Variants in FAT3 observed in about 807,000 individuals in gnomAD.
FAT3 encodes the protein protocadherin Fat 3.
In FAT3, 95 loss-of-function variants were observed where a neutral mutation model predicts 310.2. The ratio of observed to expected loss-of-function variants is 0.31; its 90% confidence interval spans 0.26 to 0.36. The LOEUF is 0.36. Ranked by LOEUF, FAT3 falls within the 10% of genes least tolerant of loss-of-function variation. The pLI is 1.00. For synonymous variants in FAT3, 2,314 were observed against 2,192.9 expected, an observed-to-expected ratio of 1.06 and a Z score of -1.54; for missense variants, 5,408 against 5,715.6, an observed-to-expected ratio of 0.95 and a Z score of 1.74.
intron 7 of FAT3, among the ~76,000 whole-genome samples, chr11:92,786,835 T>C (rs1218522457): frequency 2.0e-5 from 3 of 152,150 alleles, no homozygotes; most frequent in African/African-American, 7.2e-5. Context: ...AGAACAAAAA[T>C]TGGAGACATC....
intron 9 of FAT3, among the ~76,000 whole-genome samples, chr11:92,795,853 A>G (rs1464033821): frequency 6.6e-6 from 1 of 152,114 alleles, no homozygotes; most frequent in East Asian, 1.9e-4. Context: ...GGTTGCAGTG[A>G]GCCAAGATTG....
rs557308157 is a variant in FAT3 at position 92,328,648 on chromosome 11, C to T, written c.-17-23448C>T. Among the ~76,000 whole-genome samples the T allele has an allele frequency of 3.3e-5, 5 of 152,304 alleles. No homozygotes were observed. In the East Asian group the frequency reaches 5.8e-4, roughly 18 times the overall value. On this transcript the variant is annotated intron_variant, in intron 1 of 27. Transcript: ENST00000525166. Reference sequence around the variant, plus strand: ...CCACTACTTCCCAAGTGCCACCTTACGAGGCACGTGACAGCCGTGTGTATA... The same window carrying T: ...CCACTACTTCCCAAGTGCCACCTTATGAGGCACGTGACAGCCGTGTGTATA...
chr11:92,697,338 GT>G, intron 3 of FAT3, 45 bp from the exon 4 acceptor site: 1 of 1,582,178 alleles, frequency 6.3e-7, no homozygotes, highest in Non-Finnish European at 8.7e-7. Context: ...TCAGTAAGCT[GT>G]TTGCCCCAGA....
intron 3 of FAT3, among the ~76,000 whole-genome samples, chr11:92,530,082 A>T (rs1954016104): frequency 6.6e-6 from 1 of 152,198 alleles, no homozygotes; most frequent in Admixed American, 6.5e-5. Context: ...GAGATAGCTT[A>T]TTAAAATATT....
chr11:92,263,654 T>TAGAGAG (rs772399254), intron 1 of FAT3, among the ~76,000 whole-genome samples: 5 of 151,532 alleles, frequency 3.3e-5, no homozygotes, highest in African/African-American at 9.7e-5. Context: ...TATATATATA[T>TAGAGAG]AGAGAGAGAT....
At chr11:92,589,392 C>A (rs751838799) in intron 3 of FAT3, among the ~76,000 whole-genome samples, 1 of 152,080 alleles carries the variant, frequency 6.6e-6, no homozygotes, top group Non-Finnish European at 1.5e-5. Context: ...CCCTTCTTTA[C>A]TACTGAAAAT....
At chr11:92,881,052 G>A (rs1280018246) in intron 23 of FAT3, among the ~76,000 whole-genome samples, 168 bp downstream of exon 23, 2 of 152,292 alleles carry the variant, frequency 1.3e-5, no homozygotes, top group Non-Finnish European at 2.9e-5. Context: ...ATGTTAATAG[G>A]AATTATCTCT....
chr11:92,557,882 C>T (rs1447195289), intron 3 of FAT3, among the ~76,000 whole-genome samples: 1 of 152,188 alleles, frequency 6.6e-6, no homozygotes, highest in Non-Finnish European at 1.5e-5. Context: ...TTCCTGAGGG[C>T]TAACTTATTT....
intron 3 of FAT3, among the ~76,000 whole-genome samples, chr11:92,555,858 C>T (rs1326383474): frequency 6.6e-6 from 1 of 152,232 alleles, no homozygotes. Flanking sequence ...TATGTCGTTC[C>T]TTTCTATAGC....
intron 1 of FAT3, among the ~76,000 whole-genome samples, chr11:92,228,112 ATC>A: frequency 6.6e-6 from 1 of 152,124 alleles, no homozygotes; most frequent in African/African-American, 2.4e-5. Context: ...ATGTCTTCAT[ATC>A]ATCTGAATCA....
intron 19 of FAT3, among the ~76,000 whole-genome samples, chr11:92,847,742 TC>T (rs1948724938): frequency 6.6e-6 from 1 of 152,212 alleles, no homozygotes; most frequent in Non-Finnish European, 1.5e-5. Context: ...AAGCGTTTCC[TC>T]CAGGGGCAGG....
intron 3 of FAT3, among the ~76,000 whole-genome samples, chr11:92,636,822 A>G (rs1387779957): frequency 2.6e-5 from 4 of 152,192 alleles, no homozygotes; most frequent in Admixed American, 6.5e-5. Context: ...TCTTTTCATC[A>G]TTAGCCTCAG....
chr11:92,770,371 T>G (rs1310347358), intron 6 of FAT3, among the ~76,000 whole-genome samples: 1 of 152,240 alleles, frequency 6.6e-6, no homozygotes, highest in Non-Finnish European at 1.5e-5. Context: ...TGGTGTCCCC[T>G]GTCTTCCAAG....
At chr11:92,728,328 C>T (rs542355800) in intron 4 of FAT3, among the ~76,000 whole-genome samples, 208 of 152,090 alleles carry the variant, frequency 1.4e-3, no homozygotes, top group African/African-American at 4.4e-3. Flanking sequence ...AAATGAAAGA[C>T]GGGAGGAAAC....
intron 3 of FAT3, among the ~76,000 whole-genome samples, chr11:92,647,382 A>C (rs1450993993): frequency 1.3e-5 from 2 of 152,220 alleles, no homozygotes; most frequent in Admixed American, 6.5e-5. Context: ...ATAATTGCTC[A>C]AAATAAGATG....
intron 4 of FAT3, among the ~76,000 whole-genome samples, chr11:92,744,229 A>T (rs1444193059): frequency 6.6e-6 from 1 of 152,214 alleles, no homozygotes; most frequent in East Asian, 1.9e-4. Context: ...GATTCTTCTA[A>T]AACTATACTA....
intron 3 of FAT3, among the ~76,000 whole-genome samples, chr11:92,584,165 A>G (rs1230731613): frequency 6.6e-6 from 1 of 152,010 alleles, no homozygotes; most frequent in Non-Finnish European, 1.5e-5. Context: ...CATAAATGAC[A>G]GCTATTACTG....
At chr11:92,322,271 G>A (rs1947640834) in intron 1 of FAT3, among the ~76,000 whole-genome samples, 1 of 152,108 alleles carries the variant, frequency 6.6e-6, no homozygotes, top group South Asian at 2.1e-4. Context: ...ATAACATTAT[G>A]CCTTAAAAAA....
chr11:92,623,211 G>T (rs1299641975), intron 3 of FAT3, among the ~76,000 whole-genome samples: 1 of 141,664 alleles, frequency 7.1e-6, no homozygotes, highest in Non-Finnish European at 1.5e-5. Flanking sequence ...AGTCAAATCT[G>T]ACTAAATGTT....
Sources: gnomAD v4.1 joint callset for allele counts (sites outside exome capture counted in the v4.1 genomes callset) on GRCh38, gnomAD v4.1.1 for gene constraint, MANE v1.5 for transcripts, NCBI Gene and HGNC (gene_info 2026-07-23, HGNC 2026-07-21) for gene names.